SPON1: variants seen among roughly 807,000 people sequenced by gnomAD.
The protein encoded by SPON1 is spondin-1.
Under a neutral mutation model 111.7 loss-of-function variants are expected in SPON1, and 52 were observed. That is an observed-to-expected ratio of 0.47 (90% CI 0.37 to 0.59). SPON1 has a LOEUF of 0.59. Ranked by LOEUF, SPON1 falls within the 20% of genes least tolerant of loss-of-function variation. SPON1 has a pLI of 0.00. For missense variants in SPON1, 957 were observed against 1,068.5 expected (o/e 0.90, Z 1.46); for synonymous variants, 410 against 395.8 (o/e 1.04, Z -0.43).
intron 5 of SPON1, among the ~76,000 whole-genome samples, chr11:14,128,816 A>T (rs1554927262): frequency 6.6e-6 from 1 of 152,188 alleles, no homozygotes; most frequent in Admixed American, 6.5e-5. Context: ...GAGGTCCCCA[A>T]ACCTCAATTC....
intron 2 of SPON1, among the ~76,000 whole-genome samples, chr11:14,012,515 A>G (rs1468792263): frequency 6.6e-6 from 1 of 152,238 alleles, no homozygotes; most frequent in African/African-American, 2.4e-5. Flanking sequence ...CCTATGTGGT[A>G]GGGAATGAGA....
chr11:14,077,835 C>CA (rs35451581), intron 4 of SPON1, among the ~76,000 whole-genome samples: 37,773 of 116,200 alleles, frequency 0.33, 5,464 homozygotes, highest in South Asian at 0.46. Flanking sequence ...ATGAAAGAGA[C>CA]AAAAAAAAAA....
At chr11:14,080,281 T>A (rs1591370020) in intron 5 of SPON1, among the ~76,000 whole-genome samples, 1 of 151,536 alleles carries the variant, frequency 6.6e-6, no homozygotes, top group Admixed American at 6.6e-5. Flanking sequence ...GAGGCTGGAG[T>A]GCAGTGGCAC....
chr11:14,254,836 A>C, intron 8 of SPON1, 107 bp downstream of exon 8: 1 of 1,156,194 alleles, frequency 8.6e-7, no homozygotes, highest in Admixed American at 2.3e-5. Context: ...GTGAACTTTC[A>C]GTCTGGCTGG....
Position 14,087,521 on chromosome 11 carries a change from G to T in SPON1, c.676+7500G>T, listed in dbSNP as rs550522703. Among the ~76,000 whole-genome samples, 11 of 152,220 alleles carry T rather than the reference G, an allele frequency of 7.2e-5. No homozygotes were observed. In the East Asian group the frequency reaches 1.7e-3, roughly 24 times the overall value. ...TGTGGTCTGCGAGACTGTTTGTTAT[G>T]ATTTCTGTTCTTTTGCATTTTCTGA... On this transcript the variant is annotated intron_variant, in intron 5 of 15. Transcript: ENST00000576479.
At chr11:14,220,306 G>A (rs1025181745) in intron 6 of SPON1, among the ~76,000 whole-genome samples, 1 of 152,026 alleles carries the variant, frequency 6.6e-6, no homozygotes, top group Non-Finnish European at 1.5e-5. Flanking sequence ...ACCACACTCC[G>A]GACATGGTTC....
intron 14 of SPON1, 175 bp from the exon 15 acceptor site, chr11:14,262,537 C>A: frequency 1.3e-6 from 1 of 778,122 alleles, no homozygotes; most frequent in Non-Finnish European, 2.0e-6. Context: ...GCTTACCAAC[C>A]ACACGGGCTG....
At chr11:14,062,119 C>T (rs1489456190) in intron 3 of SPON1, among the ~76,000 whole-genome samples, 3 of 152,166 alleles carry the variant, frequency 2.0e-5, no homozygotes, top group Non-Finnish European at 4.4e-5. Flanking sequence ...CGGACCTACA[C>T]CTGTGTAAGT....
chr11:14,207,730 G>T (rs1291611974), intron 6 of SPON1, among the ~76,000 whole-genome samples: 1 of 150,404 alleles, frequency 6.6e-6, no homozygotes, highest in African/African-American at 2.4e-5. Flanking sequence ...TGGCAAGGTT[G>T]TGGGACGCTT....
chr11:14,212,382 G>A (rs1295447329), intron 6 of SPON1, among the ~76,000 whole-genome samples: 5 of 152,090 alleles, frequency 3.3e-5, no homozygotes, highest in Non-Finnish European at 7.3e-5. Flanking sequence ...ATATAAGATT[G>A]AATTAAAATC....
chr11:14,161,761 A>G (rs181383773), intron 6 of SPON1, among the ~76,000 whole-genome samples: 12 of 152,328 alleles, frequency 7.9e-5, no homozygotes, highest in African/African-American at 2.9e-4. Flanking sequence ...CTCGAAGTAC[A>G]GTTTCCACTG....
At chr11:14,173,579 G>C (rs1422728017) in intron 6 of SPON1, among the ~76,000 whole-genome samples, 1 of 152,148 alleles carries the variant, frequency 6.6e-6, no homozygotes, top group Non-Finnish European at 1.5e-5. Flanking sequence ...CTGATTTTTA[G>C]AGTTTCCGGT....
chr11:14,083,876 C>A (rs999816103), intron 5 of SPON1, among the ~76,000 whole-genome samples: 2 of 152,132 alleles, frequency 1.3e-5, no homozygotes, highest in Non-Finnish European at 2.9e-5. Flanking sequence ...ATTCCCAAGT[C>A]TGAATAACCA....
Position 14,016,677 on chromosome 11 carries a change from T to C in SPON1, c.346-24844T>C, listed in dbSNP as rs1031197762. On this transcript the variant is annotated intron_variant, in intron 2 of 15. Transcript: ENST00000576479. ...AGAATTTAGGATAGCTCATATCTGG[T>C]TTAATCTAAAATTAATACTTTAAAA... Among the ~76,000 whole-genome samples, 4 of 152,190 alleles carry C rather than the reference T, an allele frequency of 2.6e-5. No individual in the cohort carries two copies. In the East Asian group the frequency reaches 7.7e-4, roughly 29 times the overall value.
chr11:14,009,065 C>T (rs1848385187), intron 2 of SPON1, among the ~76,000 whole-genome samples: 1 of 152,104 alleles, frequency 6.6e-6, no homozygotes, highest in Admixed American at 6.5e-5. Flanking sequence ...GTTAAGCTGC[C>T]TTCAGTTGTG....
At chr11:14,096,574 C>T (rs1477482667) in intron 5 of SPON1, among the ~76,000 whole-genome samples, 1 of 152,160 alleles carries the variant, frequency 6.6e-6, no homozygotes, top group Admixed American at 6.5e-5. Flanking sequence ...TGCTCCCTGC[C>T]AGTGGAGGCT....
intron 2 of SPON1, among the ~76,000 whole-genome samples, chr11:13,990,936 G>T (rs1554911096): frequency 6.6e-6 from 1 of 152,238 alleles, no homozygotes; most frequent in African/African-American, 2.4e-5. Context: ...TCTGCAGAGA[G>T]ATCTGCTATT....
At position 14,077,826 on chromosome 11, in the gene SPON1, T is replaced by C. The variant is rs200760440; in HGVS notation, c.554-2073T>C. On this transcript the variant is annotated intron_variant, in intron 4 of 15. Coordinates refer to ENST00000576479, the MANE Select transcript of SPON1 (RefSeq NM_006108.4). ...TAATACCATGTCACAAGCAATTAAA[T>C]GAAAGAGACAAAAAAAAAAGGAAAA... Among the ~76,000 whole-genome samples, 13 of 119,686 alleles carry C rather than the reference T, an allele frequency of 1.1e-4. No homozygotes were observed. In the East Asian group the frequency reaches 2.4e-3, roughly 22 times the overall value. 78.5% of individuals were successfully genotyped at this position (119,686 alleles called of 152,430 possible). A position where few individuals can be genotyped will look rare whatever the true frequency, so the allele number is the denominator to read the frequency against.
rs868951238 is a variant in SPON1, at chr11:14,160,973, T to A, written c.825+25405T>A. Among the ~76,000 whole-genome samples, 31 of 27,366 alleles carry A rather than the reference T, an allele frequency of 1.1e-3. 3 individuals are homozygous for A. The highest frequency in any genetic ancestry group is 1.3e-3 in the South Asian group (1 of 780). 18.0% of individuals were successfully genotyped at this position (27,366 alleles called of 152,430 possible). A position where few individuals can be genotyped will look rare whatever the true frequency, so the allele number is the denominator to read the frequency against. ...TATATTTATATATATTTATATATAT[T>A]TTTATATATTTATATATATTTTTAT... On this transcript the variant is annotated intron_variant, in intron 6 of 15. Transcript: ENST00000576479.
Sources: allele counts gnomAD v4.1 joint callset (sites outside exome capture counted in the v4.1 genomes callset), GRCh38; gene constraint gnomAD v4.1.1; transcripts MANE v1.5; gene names NCBI Gene and HGNC (gene_info 2026-07-23, HGNC 2026-07-21).